Variants in KCNIP1 observed in about 807,000 individuals in gnomAD.
The protein encoded by KCNIP1 is A-type potassium channel modulatory protein KCNIP1.
In KCNIP1, 18 loss-of-function variants were observed where a neutral mutation model predicts 33.0. That is an observed-to-expected ratio of 0.55 (90% CI 0.38 to 0.81). The LOEUF (loss-of-function observed/expected upper bound fraction) is 0.81, where lower values mean the gene tolerates loss of function less well. Among genes scored for constraint, KCNIP1 ranks in the 30% least tolerant of loss-of-function variants. The pLI is 0.00. For missense variants in KCNIP1, 238 were observed against 271.6 expected (o/e 0.88, Z 0.87); for synonymous variants, 93 against 98.3 (o/e 0.95, Z 0.32).
chr5:170,554,785 C>T (rs1756782613), intron 1 of KCNIP1, among the ~76,000 whole-genome samples: 1 of 152,164 alleles, frequency 6.6e-6, no homozygotes. Context: ...ATGTGTCATG[C>T]TCTCCTTCCC....
intron 1 of KCNIP1, among the ~76,000 whole-genome samples, chr5:170,532,210 A>G (rs976803885): frequency 5.3e-5 from 8 of 152,246 alleles, no homozygotes; most frequent in Admixed American, 5.2e-4. Context: ...TTGGCTATAC[A>G]AGAAAGGTTG....
At chr5:170,682,759 C>A (rs1000762848) in intron 1 of KCNIP1, among the ~76,000 whole-genome samples, 1 of 147,324 alleles carries the variant, frequency 6.8e-6, no homozygotes, top group Non-Finnish European at 1.5e-5. Flanking sequence ...CACATTAATG[C>A]AACAGCGTCC....
At chr5:170,494,636 C>A (rs1163452168) in intron 1 of KCNIP1, among the ~76,000 whole-genome samples, 1 of 152,128 alleles carries the variant, frequency 6.6e-6, no homozygotes, top group Non-Finnish European at 1.5e-5. Flanking sequence ...CCTGTGTTGT[C>A]CTCTAAACCA....
chr5:170,720,551 G>T (rs1372024641), intron 3 of KCNIP1, among the ~76,000 whole-genome samples, 161 bp downstream of exon 3: 1 of 152,174 alleles, frequency 6.6e-6, no homozygotes, highest in Non-Finnish European at 1.5e-5. Flanking sequence ...AGTCTCCAAA[G>T]CTTTAGCAGG....
At chr5:170,529,393 G>A (rs76287254) in intron 1 of KCNIP1, among the ~76,000 whole-genome samples, 8,483 of 152,274 alleles carry the variant, frequency 0.056, 766 homozygotes, top group African/African-American at 0.19. Flanking sequence ...ATGCTGTGAG[G>A]TGCTGGTTCT....
intron 1 of KCNIP1, among the ~76,000 whole-genome samples, chr5:170,671,009 CTG>C (rs1761900944): frequency 6.6e-6 from 1 of 152,098 alleles, no homozygotes; most frequent in South Asian, 2.1e-4. Context: ...CCCCACCTCT[CTG>C]TGGTCCTTTA....
At chr5:170,400,418 C>A (rs757011580) in intron 1 of KCNIP1, among the ~76,000 whole-genome samples, 2 of 152,134 alleles carry the variant, frequency 1.3e-5, no homozygotes, top group Non-Finnish European at 2.9e-5. Flanking sequence ...AACTCCCTTA[C>A]TATCATGAGA....
At chr5:170,725,798 C>T (rs369564609) in intron 5 of KCNIP1, among the ~76,000 whole-genome samples, 1 of 151,806 alleles carries the variant, frequency 6.6e-6, no homozygotes, top group East Asian at 1.9e-4. Flanking sequence ...CTACTATGTG[C>T]CCACAAAAAT....
chr5:170,503,942 C>CCCGGG, upstream of KCNIP1: 4 of 584,876 alleles, frequency 6.8e-6, no homozygotes, highest in Non-Finnish European at 8.6e-6. Context: ...CCCGCCCCCA[C>CCCGGG]CGTGCAGCCC....
chr5:170,708,477 T>C (rs2113849967), intron 1 of KCNIP1, among the ~76,000 whole-genome samples: 1 of 152,366 alleles, frequency 6.6e-6, no homozygotes, highest in Non-Finnish European at 1.5e-5. Context: ...TCATGTTCTT[T>C]TAAATTTTCC....
chr5:170,733,299 C>T (rs1314863117), intron 6 of KCNIP1, among the ~76,000 whole-genome samples: 4 of 152,152 alleles, frequency 2.6e-5, no homozygotes, highest in African/African-American at 9.7e-5. Context: ...TTTGGCCTTG[C>T]TCTGGTACAG....
intron 1 of KCNIP1, among the ~76,000 whole-genome samples, chr5:170,587,248 C>A (rs1295231570): frequency 2.0e-5 from 3 of 150,956 alleles, no homozygotes; most frequent in Non-Finnish European, 4.4e-5. Context: ...ATGGTGAAAC[C>A]CTGTCTCTAC....
chr5:170,601,493 T>C (rs374489594), intron 1 of KCNIP1, among the ~76,000 whole-genome samples: 3 of 152,122 alleles, frequency 2.0e-5, no homozygotes, highest in Admixed American at 6.5e-5. Flanking sequence ...AATGAGGCAG[T>C]TTATCTGTTC....
At chr5:170,508,354 G>A (rs2113253592) in intron 1 of KCNIP1, among the ~76,000 whole-genome samples, 1 of 152,300 alleles carries the variant, frequency 6.6e-6, no homozygotes, top group Non-Finnish European at 1.5e-5. Context: ...CCAAACATGG[G>A]AATGTTCCCG....
At chr5:170,503,236 C>CA (rs1177116690), upstream of KCNIP1, among the ~76,000 whole-genome samples, 5 of 151,660 alleles carry the variant, frequency 3.3e-5, no homozygotes, top group African/African-American at 4.8e-5. Context: ...TTAAAAAATA[C>CA]AAAAAAATTT....
At chr5:170,715,118 T>C (rs1302062183) in intron 1 of KCNIP1, among the ~76,000 whole-genome samples, 1 of 152,206 alleles carries the variant, frequency 6.6e-6, no homozygotes, top group Admixed American at 6.5e-5. Flanking sequence ...TTAGTATGTT[T>C]GGACACACAA....
At chr5:170,596,141 T>C (rs1396938840) in intron 1 of KCNIP1, among the ~76,000 whole-genome samples, 1 of 152,184 alleles carries the variant, frequency 6.6e-6, no homozygotes, top group Non-Finnish European at 1.5e-5. Flanking sequence ...AAGTGTTTGT[T>C]TATTCTCTTG....
intron 1 of KCNIP1, among the ~76,000 whole-genome samples, chr5:170,614,883 G>A (rs1759306421): frequency 1.3e-5 from 2 of 152,174 alleles, no homozygotes; most frequent in Admixed American, 1.3e-4. Flanking sequence ...CCCTCTCAGT[G>A]CGTGCTGTAA....
chr5:170,682,234 T>A (rs2113796660), intron 1 of KCNIP1, among the ~76,000 whole-genome samples: 1 of 152,326 alleles, frequency 6.6e-6, no homozygotes, highest in East Asian at 1.9e-4. Context: ...CGGTTTAATG[T>A]TGGTCAAGTC....
Sources: gnomAD v4.1 joint callset for allele counts (sites outside exome capture counted in the v4.1 genomes callset) on GRCh38, gnomAD v4.1.1 for gene constraint, MANE v1.5 for transcripts, NCBI Gene and HGNC (gene_info 2026-07-23, HGNC 2026-07-21) for gene names.